TLR5: variants seen among roughly 807,000 people sequenced by gnomAD.
The protein encoded by TLR5 is toll-like receptor 5.
For synonymous variants in TLR5, 373 were observed against 384.4 expected (o/e 0.97, Z 0.35); for missense variants, 944 against 999.8 (o/e 0.94, Z 0.75).
At chr1:223,118,746 T>C (rs1167047553) in intron 5 of TLR5, among the ~76,000 whole-genome samples, 1 of 152,108 alleles carries the variant, frequency 6.6e-6, no homozygotes, top group South Asian at 2.1e-4. Context: ...CAGCCTCCAC[T>C]TCCCATCATG....
At chr1:223,136,358 A>G (rs1657613746) in intron 3 of TLR5, among the ~76,000 whole-genome samples, 6 of 152,210 alleles carry the variant, frequency 3.9e-5, no homozygotes, top group Admixed American at 3.9e-4. Context: ...GGATCTTGGC[A>G]ATGCATAAGA....
At chr1:223,143,136 C>A (rs1228711369) in intron 1 of TLR5, 60 bp downstream of exon 1, 1 of 152,264 alleles carries the variant, frequency 6.6e-6, no homozygotes, top group South Asian at 2.1e-4. Flanking sequence ...CGCGTCCCCG[C>A]CCCGCGCTGC....
intron 5 of TLR5, among the ~76,000 whole-genome samples, chr1:223,125,510 G>A (rs1383316609): frequency 3.9e-5 from 6 of 152,088 alleles, no homozygotes; most frequent in Non-Finnish European, 8.8e-5. Context: ...TCTCAGCCTT[G>A]GCTACACACT....
intron 1 of TLR5, 85 bp from the exon 2 acceptor site, chr1:223,141,848 G>GAGAGAGAGAGAGAGAGAGAGAGAGAA (rs1553271506): frequency 3.0e-5 from 4 of 135,436 alleles, no homozygotes; most frequent in South Asian, 2.3e-4. Context: ...GAGAGAGAGA[G>GAGAGAGAGAGAGAGAGAGAGAGAGAA]AGAGAGAGAA....
intron 5 of TLR5, chr1:223,128,792 C>T (rs1657275793): frequency 6.6e-6 from 1 of 152,176 alleles, no homozygotes; most frequent in Non-Finnish European, 1.5e-5. Context: ...GACTGCTGTC[C>T]ACAACCCATC....
chr1:223,136,918 G>A (rs555647838), intron 3 of TLR5, among the ~76,000 whole-genome samples: 46 of 151,960 alleles, frequency 3.0e-4, no homozygotes, highest in African/African-American at 9.7e-4. Flanking sequence ...GAACTCCCCC[G>A]GCTCAGGTGA....
intron 5 of TLR5, chr1:223,124,007 T>C (rs1051420420): frequency 1.3e-5 from 2 of 152,272 alleles, no homozygotes; most frequent in African/African-American, 4.8e-5. Flanking sequence ...TAATTACATC[T>C]ACAGTTAGTT....
chr1:223,111,612 T>C lies in TLR5; in HGVS notation c.1420A>G (p.Ser474Gly), dbSNP rs756250555. The C allele has an allele frequency of 6.2e-7, 1 of 1,614,038 alleles. No homozygotes were observed. Among genetic ancestry groups the C allele is most frequent in the African/African-American group, 1.3e-5 (1 of 74,924 alleles). The change falls in exon 6 of 6, where the codon AGC becomes GGC. Residue 474 changes from serine to glycine, a missense_variant. By Grantham distance (56) the Ser-to-Gly change is moderately conservative. Transcript: ENST00000642603. ...TCTCCAAGGAAAAGCTGTTCTAAGC[T>C]GGGATTCTCTGAAGGGGTTTGATCT... ...SGDQTPSENP[S>G]LEQLFLGENM... is the part of the protein sequence containing the mutation.
At chr1:223,119,151 G>C (rs1298747019) in intron 5 of TLR5, among the ~76,000 whole-genome samples, 2 of 152,006 alleles carry the variant, frequency 1.3e-5, no homozygotes, top group African/African-American at 4.8e-5. Context: ...AGTCCATTCA[G>C]ATGGTTGTGG....
chr1:223,135,091 G>A (rs1657555382), intron 3 of TLR5, among the ~76,000 whole-genome samples: 1 of 152,168 alleles, frequency 6.6e-6, no homozygotes, highest in Non-Finnish European at 1.5e-5. Flanking sequence ...TCAAGAGAAA[G>A]CTTCCCAGGC....
intron 2 of TLR5, among the ~76,000 whole-genome samples, chr1:223,140,742 A>G (rs898228826): frequency 3.3e-5 from 5 of 152,128 alleles, no homozygotes; most frequent in Admixed American, 2.6e-4. Flanking sequence ...CAAGCCCTTG[A>G]TGGTCATTCT....
At chr1:223,136,858 C>T (rs1367046317) in intron 3 of TLR5, among the ~76,000 whole-genome samples, 1 of 151,866 alleles carries the variant, frequency 6.6e-6, no homozygotes, top group African/African-American at 2.4e-5. Context: ...GACAGAGTCT[C>T]ACTCTGTCAC....
chr1:223,121,392 T>C (rs1558126034), intron 5 of TLR5, among the ~76,000 whole-genome samples: 1 of 152,226 alleles, frequency 6.6e-6, no homozygotes, highest in Non-Finnish European at 1.5e-5. Flanking sequence ...AACAGAGGCC[T>C]GGGTCTGACA....
chr1:223,130,563 C>A (rs1436151702), intron 5 of TLR5, among the ~76,000 whole-genome samples: 1 of 152,194 alleles, frequency 6.6e-6, no homozygotes, highest in Non-Finnish European at 1.5e-5. Context: ...TTCAGAACAG[C>A]CCCACGTCAC....
chr1:223,124,703 ATGTGATT>A (rs1401728514), intron 5 of TLR5, among the ~76,000 whole-genome samples: 1 of 152,178 alleles, frequency 6.6e-6, no homozygotes, highest in East Asian at 1.9e-4. Flanking sequence ...TCCCAGGCTC[ATGTGATT>A]CTCCTGCCTC....
intron 5 of TLR5, among the ~76,000 whole-genome samples, chr1:223,117,417 C>T (rs543564932): frequency 1.5e-3 from 235 of 152,074 alleles, no homozygotes; most frequent in African/African-American, 5.2e-3. Context: ...GCTCCTCAAG[C>T]ACGGCCAGAG....
rs753187241 is a variant in TLR5, at chr1:223,111,554, A to T, written c.1478T>A (p.Leu493His). The T allele has an allele frequency of 8.1e-6, 13 of 1,614,048 alleles. No homozygotes were observed. The Admixed American group carries it at 2.0e-4, about 25-fold the overall frequency. Residue 493 changes from leucine (L) to histidine (H), a missense_variant, in exon 6 of 6, where the codon CTC (leucine) becomes CAC (histidine). By Grantham distance (99) the Leu-to-His change is moderately conservative. Transcript: ENST00000642603. Reference protein sequence around the residue: ...NMLQLAWETELCWDVFEGLSH... With the variant: ...NMLQLAWETEHCWDVFEGLSH... ...AAGTCCCTCAAAAACATCCCAACAG[A>T]GCTCAGTTTCCCAGGCAAGTTGCAA...
At chr1:223,117,128 G>A (rs538608389) in intron 5 of TLR5, among the ~76,000 whole-genome samples, 1 of 152,308 alleles carries the variant, frequency 6.6e-6, no homozygotes, top group South Asian at 2.1e-4. Flanking sequence ...GGCCCGTCGA[G>A]AATTCGAGTG....
Position 223,111,418 on chromosome 1 carries a change from C to T in TLR5, c.1614G>A (p.Leu538=). 6.2e-7 allele frequency: 1 copy of T among 1,614,152 alleles called. No homozygotes were observed. Among genetic ancestry groups the T allele is most frequent in the Non-Finnish European group, 8.5e-7 (1 of 1,180,030 alleles). Residue 538 remains leucine (L), a synonymous_variant, in exon 6 of 6, where the codon CTG becomes CTA. Transcript: ENST00000642603. ...LRGLSLNSNR[L]TVLSHNDLPA... ...GTAAATCATTGTGAGAAAGAACTGT[C>T]AGCCTGTTGGAGTTGAGGCTTAGTC...
Sources: gnomAD v4.1 joint callset for allele counts (sites outside exome capture counted in the v4.1 genomes callset) on GRCh38, gnomAD v4.1.1 for gene constraint, MANE v1.5 for transcripts, NCBI Gene and HGNC (gene_info 2026-07-23, HGNC 2026-07-21) for gene names.